The following LUZP2 variants were observed in gnomAD, a reference collection of about 807,000 sequenced individuals.
The protein encoded by LUZP2 is leucine zipper protein 2.
LUZP2 carries 52 observed loss-of-function variants against 51.6 expected under a neutral mutation model. The ratio of observed to expected loss-of-function variants is 1.01; its 90% CI spans 0.81 to 1.27. LUZP2 has a LOEUF of 1.27. LUZP2 is among the 50% of genes most tolerant of loss of function. The pLI, the probability that LUZP2 is intolerant of heterozygous loss-of-function variation, is 0.00. For synonymous variants in LUZP2, 154 were observed against 137.3 expected (o/e 1.12, Z -0.85); for missense variants, 436 against 395.4 (o/e 1.10, Z -0.87).
intron 5 of LUZP2, among the ~76,000 whole-genome samples, chr11:24,865,151 GT>G (rs1851852205): frequency 6.6e-6 from 1 of 152,198 alleles, no homozygotes; most frequent in Non-Finnish European, 1.5e-5. Flanking sequence ...AACAAGTTGA[GT>G]TTGAATAACA....
intron 1 of LUZP2, among the ~76,000 whole-genome samples, chr11:24,725,855 T>C (rs1858454942): frequency 6.6e-6 from 1 of 152,032 alleles, no homozygotes; most frequent in South Asian, 2.1e-4. Context: ...ATATGACTAG[T>C]GTTCTTATGT....
intron 1 of LUZP2, among the ~76,000 whole-genome samples, chr11:24,649,249 A>C (rs1321967165): frequency 2.6e-5 from 4 of 151,978 alleles, no homozygotes; most frequent in Non-Finnish European, 5.9e-5. Context: ...ATGTTGAAGA[A>C]CCTAACTAAG....
At chr11:25,037,458 A>C (rs1415985543) in intron 9 of LUZP2, among the ~76,000 whole-genome samples, 1 of 152,088 alleles carries the variant, frequency 6.6e-6, no homozygotes, top group East Asian at 1.9e-4. Context: ...TTTACATTCA[A>C]GGTTAATACT....
chr11:24,820,800 T>C (rs535412937), intron 5 of LUZP2, among the ~76,000 whole-genome samples: 154 of 152,208 alleles, frequency 1.0e-3, no homozygotes, highest in Admixed American at 3.6e-3. Context: ...AGGCTGATGA[T>C]GTGGAAGGCA....
intron 1 of LUZP2, among the ~76,000 whole-genome samples, chr11:24,649,999 A>G (rs1225224385): frequency 6.6e-6 from 1 of 151,622 alleles, no homozygotes; most frequent in African/African-American, 2.4e-5. Context: ...ACACACACAC[A>G]CACACACAGA....
At chr11:24,925,006 GA>G (rs200568179) in intron 7 of LUZP2, among the ~76,000 whole-genome samples, 2 of 150,470 alleles carry the variant, frequency 1.3e-5, no homozygotes, top group African/African-American at 2.4e-5. Flanking sequence ...TCCTGGCTCA[GA>G]AAAAAAAATC....
chr11:24,670,266 C>T (rs1856360253), intron 1 of LUZP2, among the ~76,000 whole-genome samples: 1 of 151,874 alleles, frequency 6.6e-6, no homozygotes, highest in South Asian at 2.1e-4. Context: ...TTTTCATTAG[C>T]ATTAAGTAAT....
intron 5 of LUZP2, among the ~76,000 whole-genome samples, chr11:24,788,572 C>T (rs193301081): frequency 0.012 from 1,867 of 152,100 alleles, 20 homozygotes; most frequent in Admixed American, 0.019. Context: ...AGTTGATATT[C>T]CTGTGTATTA....
At chr11:24,539,470 A>G (rs1851287970) in intron 1 of LUZP2, among the ~76,000 whole-genome samples, 1 of 151,976 alleles carries the variant, frequency 6.6e-6, no homozygotes, top group Admixed American at 6.6e-5. Context: ...CTAAGTACAG[A>G]TGTGTAAGGC....
chr11:24,919,972 C>T (rs891168910), intron 7 of LUZP2, among the ~76,000 whole-genome samples: 1 of 151,676 alleles, frequency 6.6e-6, no homozygotes, highest in Admixed American at 6.6e-5. Flanking sequence ...ATAAGTCCTA[C>T]ACAACCATGA....
At chr11:24,565,052 G>A (rs954439458) in intron 1 of LUZP2, among the ~76,000 whole-genome samples, 7 of 152,130 alleles carry the variant, frequency 4.6e-5, no homozygotes, top group African/African-American at 1.4e-4. Context: ...TACTATTTTT[G>A]TTTGTAGTGT....
At chr11:24,847,100 T>A (rs893742048) in intron 5 of LUZP2, among the ~76,000 whole-genome samples, 1 of 151,884 alleles carries the variant, frequency 6.6e-6, no homozygotes, top group Non-Finnish European at 1.5e-5. Context: ...TGAAAACACA[T>A]TACAGGTATA....
At position 25,002,902 on chromosome 11, in the gene LUZP2, C is replaced by A. The variant is rs1856729471; in HGVS notation, c.765+19609C>A. 2.6e-5 allele frequency among the ~76,000 whole-genome samples: 4 copies of A among 152,116 alleles called. No homozygotes were observed. The South Asian group carries it at 8.3e-4, about 32-fold the overall frequency. Reference sequence around the variant, plus strand: ...TCTCCTTGATTAGAGTATACAGGAGCCTGGCTACCTTGCTGTATACAGGGA... The same window carrying A: ...TCTCCTTGATTAGAGTATACAGGAGACTGGCTACCTTGCTGTATACAGGGA... On this transcript the variant is annotated intron_variant, in intron 9 of 11. Transcript: ENST00000336930.
intron 7 of LUZP2, among the ~76,000 whole-genome samples, chr11:24,964,321 A>G (rs1396430920): frequency 6.6e-6 from 1 of 152,212 alleles, no homozygotes; most frequent in Non-Finnish European, 1.5e-5. Flanking sequence ...AAAGAGGCTG[A>G]GAAAATGAGA....
At chr11:24,649,815 G>A (rs778974078) in intron 1 of LUZP2, among the ~76,000 whole-genome samples, 2 of 151,852 alleles carry the variant, frequency 1.3e-5, no homozygotes, top group Non-Finnish European at 1.5e-5. Context: ...TGGGATAATA[G>A]GATTATTATT....
intron 5 of LUZP2, among the ~76,000 whole-genome samples, chr11:24,851,145 T>C (rs1050589397): frequency 5.9e-5 from 9 of 152,080 alleles, no homozygotes; most frequent in Non-Finnish European, 1.2e-4. Context: ...ACTTCCAATA[T>C]TCTGTTGAAT....
chr11:24,991,144 CA>C (rs1326835521), intron 9 of LUZP2, among the ~76,000 whole-genome samples: 1 of 151,738 alleles, frequency 6.6e-6, no homozygotes, highest in Non-Finnish European at 1.5e-5. Context: ...CCTGAGTCCC[CA>C]AAGTCCTTTG....
chr11:24,723,415 A>T (rs765998140), intron 1 of LUZP2, among the ~76,000 whole-genome samples: 5 of 152,254 alleles, frequency 3.3e-5, no homozygotes, highest in Non-Finnish European at 5.9e-5. Context: ...AAAGCATATG[A>T]AATATTCATT....
intron 1 of LUZP2, among the ~76,000 whole-genome samples, chr11:24,554,683 C>T (rs564110469): frequency 4.2e-5 from 6 of 142,378 alleles, no homozygotes; most frequent in African/African-American, 1.6e-4. Context: ...AGGCAGGAGA[C>T]TTATCCTTGG....
Sources: gnomAD v4.1 joint callset for allele counts (sites outside exome capture counted in the v4.1 genomes callset) on GRCh38, gnomAD v4.1.1 for gene constraint, MANE v1.5 for transcripts, NCBI Gene and HGNC (gene_info 2026-07-23, HGNC 2026-07-21) for gene names.